Variants in SYNE2 observed in about 807,000 individuals in gnomAD.
SYNE2 encodes nesprin-2.
SYNE2 carries 431 observed loss-of-function variants against 856.3 expected under a neutral mutation model. That is an observed-to-expected ratio of 0.50 (90% CI 0.47 to 0.55). The LOEUF (loss-of-function observed/expected upper bound fraction) is 0.55, where lower values mean the gene tolerates loss of function less well. SYNE2 is among the 20% of genes least tolerant of loss of function. The pLI is 0.00. For synonymous variants in SYNE2, 2,923 were observed against 2,872.3 expected (o/e 1.02, Z -0.56); for missense variants, 8,129 against 8,023.2 (o/e 1.01, Z -0.50).
Position 64,007,509 on chromosome 14 carries a change from A to C in SYNE2, c.4577+287A>C, listed in dbSNP as rs7153680. ...GGGTGGTTTCCTATTGCTGTAAATC[A>C]CCAAGCAAATCACCACGAACTTAGT... On this transcript the variant is annotated intron_variant, in intron 31 of 115. Coordinates refer to ENST00000555002, the MANE Select transcript of SYNE2 (RefSeq NM_182914.3). 0.38 allele frequency among the ~76,000 whole-genome samples: 58,328 copies of C among 152,048 alleles called. 11,406 individuals carry two copies. The highest frequency in any genetic ancestry group is 0.43 in the African/African-American group (17,870 of 41,464).
intron 62 of SYNE2, 25 bp from the exon 63 acceptor site, chr14:64,098,722 G>A (rs1272606082): frequency 6.2e-7 from 1 of 1,612,558 alleles, no homozygotes; most frequent in Non-Finnish European, 8.5e-7. Context: ...GCAGACTGCA[G>A]GTATTCTTGT....
rs113286286 is a variant in SYNE2 at position 63,884,425 on chromosome 14, G to A, written c.-51-24673G>A. 5.5e-3 allele frequency among the ~76,000 whole-genome samples: 841 copies of A among 152,272 alleles called. 5 individuals are homozygous for A. The highest frequency in any genetic ancestry group is 0.019 in the African/African-American group (776 of 41,554). On this transcript the variant is annotated intron_variant, in intron 1 of 115. Coordinates refer to ENST00000555002, the MANE Select transcript of SYNE2 (RefSeq NM_182914.3). The stretch of plus-strand genomic sequence containing the variant: ...TTGGTACCTACTTTGCATCAGACTT[G>A]ATGTTTGGAACTGGATACAAAGAAG...
chr14:64,021,384 C>T lies in SYNE2; in HGVS notation c.5221C>T (p.His1741Tyr), dbSNP rs746356513. 41 of 1,614,054 alleles carry T rather than the reference C, an allele frequency of 2.5e-5. 1 individual carries two copies. In the East Asian group the frequency reaches 8.5e-4, roughly 33 times the overall value. ...GTGCTTAACAGGAGAATCCAACTGC[C>T]ATGCACTCAGTGGCAGCACTGCTGA... ...QKCLTGESNCHALSGSTAELR... is the reference protein window; with the variant it reads ...QKCLTGESNCYALSGSTAELR... The change falls in exon 36 of 116, where the codon CAT (histidine) becomes TAT (tyrosine). Residue 1741 changes from histidine (H) to tyrosine (Y), a missense_variant. Physicochemically the swap from His to Tyr is moderately conservative, Grantham distance 83. This residue lies in a region of SYNE2 where 2,422 missense variants were observed against 2,357.4 expected (regional missense o/e 1.03). Transcript: ENST00000555002.
chr14:64,140,758 G>C (rs370642750), intron 80 of SYNE2, among the ~76,000 whole-genome samples: 1 of 152,074 alleles, frequency 6.6e-6, no homozygotes, highest in Admixed American at 6.6e-5. Flanking sequence ...TTGTTTTGAG[G>C]TGTTTTTTGG....
At chr14:64,162,376 A>C (rs1291259079) in intron 88 of SYNE2, 100 bp downstream of exon 88, 20 of 1,247,100 alleles carry the variant, frequency 1.6e-5, no homozygotes, top group Non-Finnish European at 2.0e-5. Flanking sequence ...ACAGGGACAG[A>C]GTAGTCAGGA....
intron 84 of SYNE2, among the ~76,000 whole-genome samples, chr14:64,146,733 C>T (rs569166590): frequency 3.0e-4 from 45 of 152,320 alleles, no homozygotes; most frequent in Non-Finnish European, 4.1e-4. Flanking sequence ...TATGCTTTGC[C>T]GCATCACTCA....
chr14:63,961,231 T>A (rs1444030782), intron 8 of SYNE2, among the ~76,000 whole-genome samples: 2 of 152,230 alleles, frequency 1.3e-5, no homozygotes, highest in African/African-American at 4.8e-5. Context: ...CCTCTCTGAC[T>A]ACTTATGCCT....
chr14:63,979,139 A>G, intron 14 of SYNE2, 125 bp downstream of exon 14: 1 of 896,836 alleles, frequency 1.1e-6, no homozygotes, highest in Admixed American at 1.9e-5. Flanking sequence ...GGTAGATTTC[A>G]TTAGCTTAAA....
chr14:63,855,991 C>G (rs966046317), intron 1 of SYNE2, among the ~76,000 whole-genome samples: 2 of 152,122 alleles, frequency 1.3e-5, no homozygotes, highest in Non-Finnish European at 2.9e-5. Context: ...TGAGAAGGAG[C>G]TAGCCATGTT....
Position 64,098,139 on chromosome 14 carries a change from A to C in SYNE2, c.12299A>C (p.Glu4100Ala), listed in dbSNP as rs779963258. The change falls in exon 62 of 116, where the codon GAG (glutamate) becomes GCG (alanine). Residue 4100 changes from glutamate to alanine, a missense_variant. Coordinates refer to ENST00000555002, the MANE Select transcript of SYNE2 (RefSeq NM_182914.3). ...GGAGTGGCAGAGAGGGATGCTTCTGAGCGGAAGGTGGGTATGACTTTAGGT... is the reference window on the plus strand; with the variant it reads ...GGAGTGGCAGAGAGGGATGCTTCTGCGCGGAAGGTGGGTATGACTTTAGGT... ...EGGVAERDAS[E>A]RKLNRRGSMS... is the part of the protein sequence containing the mutation. 6.2e-7 allele frequency: 1 copy of C among 1,613,980 alleles called. No individual in the cohort carries two copies. The highest frequency in any genetic ancestry group is 8.5e-7 in the Non-Finnish European group (1 of 1,179,952).
intron 30 of SYNE2, among the ~76,000 whole-genome samples, chr14:64,004,989 A>G (rs970049838): frequency 6.6e-6 from 1 of 152,228 alleles, no homozygotes; most frequent in Non-Finnish European, 1.5e-5. Context: ...ATCAGATGAG[A>G]GGCAAGAGCA....
intron 106 of SYNE2, 86 bp downstream of exon 106, chr14:64,214,556 C>A: frequency 7.4e-7 from 1 of 1,344,624 alleles, no homozygotes. Flanking sequence ...CTCTCAATGA[C>A]CAAGAGTCCA....
At chr14:64,186,325 C>T in intron 96 of SYNE2, 99 bp from the exon 97 acceptor site, 1 of 1,507,950 alleles carries the variant, frequency 6.6e-7, no homozygotes, top group Non-Finnish European at 9.2e-7. Context: ...TCCTGGCCTC[C>T]CCTCCCCCAG....
intron 51 of SYNE2, among the ~76,000 whole-genome samples, chr14:64,069,060 T>C (rs936136092): frequency 6.6e-5 from 10 of 152,072 alleles, no homozygotes; most frequent in Non-Finnish European, 1.0e-4. Flanking sequence ...TTTATTCTTT[T>C]TACTCTTACT....
intron 10 of SYNE2, among the ~76,000 whole-genome samples, chr14:63,967,099 C>G (rs774971086): frequency 5.3e-5 from 8 of 151,944 alleles, no homozygotes; most frequent in Non-Finnish European, 1.2e-4. Flanking sequence ...CTCTTGACCT[C>G]GTGATCCACC....
chr14:63,946,258 C>CAAAAAT (rs1007918762), intron 6 of SYNE2, among the ~76,000 whole-genome samples: 5 of 151,458 alleles, frequency 3.3e-5, no homozygotes, highest in East Asian at 1.9e-4. Context: ...CCCATCTCTG[C>CAAAAAT]AAAAATAAAA....
At chr14:64,084,923 C>A in intron 57 of SYNE2, 1 of 701,786 alleles carries the variant, frequency 1.4e-6, no homozygotes, top group Non-Finnish European at 2.6e-6. Context: ...AAGCTCATTC[C>A]CGTGGCTGTT....
chr14:64,045,234 G>A (rs995029746), intron 45 of SYNE2, among the ~76,000 whole-genome samples: 1 of 152,172 alleles, frequency 6.6e-6, no homozygotes, highest in Non-Finnish European at 1.5e-5. Context: ...GTAATTTCAG[G>A]TTTTCAAGAA....
chr14:64,103,448 T>C (rs1050447417), intron 64 of SYNE2, among the ~76,000 whole-genome samples: 3 of 151,928 alleles, frequency 2.0e-5, no homozygotes, highest in African/African-American at 7.3e-5. Context: ...TATTTTCCAG[T>C]CTCTCAAATG....
Sources: allele counts gnomAD v4.1 joint callset (sites outside exome capture counted in the v4.1 genomes callset), GRCh38; gene constraint gnomAD v4.1.1; regional missense constraint gnomAD v4.1.1; transcripts MANE v1.5; gene names NCBI Gene and HGNC (gene_info 2026-07-23, HGNC 2026-07-21).